Variants in WDPCP observed in about 807,000 individuals in gnomAD.
The protein encoded by WDPCP is WD repeat-containing and planar cell polarity effector protein fritz homolog.
WDPCP carries 71 observed loss-of-function variants against 93.1 expected under a neutral mutation model. The ratio of observed to expected loss-of-function variants is 0.76; its 90% CI spans 0.63 to 0.93. WDPCP has a LOEUF of 0.93. Ranked by LOEUF, WDPCP falls within the 40% of genes least tolerant of loss-of-function variation. The pLI is 0.00. For missense variants in WDPCP, 844 were observed against 887.4 expected, an observed-to-expected ratio of 0.95 and a Z score of 0.62; for synonymous variants, 315 against 315.0, an observed-to-expected ratio of 1.00 and a Z score of 0.00.
chr2:63,655,142 G>A (rs1710151907), intron 2 of WDPCP, among the ~76,000 whole-genome samples: 1 of 152,118 alleles, frequency 6.6e-6, no homozygotes, highest in South Asian at 2.1e-4. Context: ...ATTGCAAAGG[G>A]GCCAGGAAAT....
intron 2 of WDPCP, among the ~76,000 whole-genome samples, chr2:63,784,110 A>G (rs1315173844): frequency 1.3e-5 from 2 of 152,130 alleles, no homozygotes; most frequent in Non-Finnish European, 2.9e-5. Flanking sequence ...TCATCATTGT[A>G]TATCTAGCAT....
chr2:63,737,281 C>A (rs926087571), intron 2 of WDPCP, among the ~76,000 whole-genome samples: 9 of 152,182 alleles, frequency 5.9e-5, no homozygotes, highest in African/African-American at 2.2e-4. Flanking sequence ...TATTGATAGT[C>A]CTGGAGCCAA....
intron 6 of WDPCP, among the ~76,000 whole-genome samples, chr2:63,444,278 C>T (rs1697698562): frequency 6.6e-6 from 1 of 151,726 alleles, no homozygotes; most frequent in African/African-American, 2.4e-5. Context: ...ATCCCTGACA[C>T]CAGATTTTGG....
intron 1 of WDPCP, among the ~76,000 whole-genome samples, chr2:63,814,634 A>G (rs1035652089): frequency 6.6e-6 from 1 of 152,210 alleles, no homozygotes; most frequent in Non-Finnish European, 1.5e-5. Context: ...TATCTTAGAA[A>G]TCCTGGCTAA....
intron 8 of WDPCP, among the ~76,000 whole-genome samples, chr2:63,435,631 G>A (rs975298142): frequency 6.6e-6 from 1 of 152,098 alleles, no homozygotes; most frequent in East Asian, 1.9e-4. Flanking sequence ...TGAAATGTTA[G>A]GAAATTTCAT....
chr2:63,730,200 A>G (rs1421066474), intron 2 of WDPCP, among the ~76,000 whole-genome samples: 2 of 151,976 alleles, frequency 1.3e-5, no homozygotes, highest in African/African-American at 2.4e-5. Flanking sequence ...TACTATTGTT[A>G]TTCTCATTTT....
At chr2:63,466,753 A>C (rs979487705) in intron 6 of WDPCP, among the ~76,000 whole-genome samples, 2 of 152,234 alleles carry the variant, frequency 1.3e-5, no homozygotes, top group Non-Finnish European at 2.9e-5. Context: ...ATTTGAACTC[A>C]TTTAGCTTGA....
At chr2:63,816,876 C>T (rs571788537) in intron 1 of WDPCP, among the ~76,000 whole-genome samples, 32 of 152,264 alleles carry the variant, frequency 2.1e-4, no homozygotes, top group African/African-American at 6.7e-4. Flanking sequence ...TACACTCAGA[C>T]GTGCACTGTG....
At chr2:63,807,993 T>C (rs193200028) in intron 2 of WDPCP, among the ~76,000 whole-genome samples, 13 of 152,322 alleles carry the variant, frequency 8.5e-5, no homozygotes, top group African/African-American at 2.6e-4. Flanking sequence ...ATTCATATGA[T>C]AGATATTCAA....
chr2:63,799,535 A>G (rs1017394657), intron 2 of WDPCP, among the ~76,000 whole-genome samples: 1 of 152,172 alleles, frequency 6.6e-6, no homozygotes, highest in African/African-American at 2.4e-5. Flanking sequence ...GTTTGTACCA[A>G]CATCAGAGTC....
At chr2:63,329,287 T>G (rs1320660983) in intron 12 of WDPCP, among the ~76,000 whole-genome samples, 1 of 152,184 alleles carries the variant, frequency 6.6e-6, no homozygotes, top group Admixed American at 6.5e-5. Flanking sequence ...TAAGTCATAT[T>G]TGTCTGCTGT....
chr2:63,577,478 C>T (rs1458773799), intron 1 of WDPCP, among the ~76,000 whole-genome samples: 1 of 152,032 alleles, frequency 6.6e-6, no homozygotes, highest in Non-Finnish European at 1.5e-5. Flanking sequence ...TTTTCCCTTC[C>T]TTTATCCCAT....
At chr2:63,434,782 C>T (rs906486709) in intron 8 of WDPCP, among the ~76,000 whole-genome samples, 1 of 152,098 alleles carries the variant, frequency 6.6e-6, no homozygotes, top group African/African-American at 2.4e-5. Flanking sequence ...CAGAGAAATG[C>T]TTCTGGAGCC....
intron 12 of WDPCP, among the ~76,000 whole-genome samples, chr2:63,369,982 C>T (rs1448619030): frequency 2.6e-5 from 4 of 152,032 alleles, no homozygotes; most frequent in East Asian, 3.9e-4. Context: ...ATGCTTTGGG[C>T]GACACCCCTC....
intron 12 of WDPCP, among the ~76,000 whole-genome samples, chr2:63,320,037 G>C (rs1272823390): frequency 6.6e-6 from 1 of 152,010 alleles, no homozygotes; most frequent in Non-Finnish European, 1.5e-5. Context: ...AAAAAAACTT[G>C]AGCAAATGAG....
intron 10 of WDPCP, among the ~76,000 whole-genome samples, chr2:63,395,537 C>T (rs1314014539): frequency 6.6e-6 from 1 of 152,118 alleles, no homozygotes; most frequent in Non-Finnish European, 1.5e-5. Context: ...CTAGCTCCAT[C>T]CATGTTGCTG....
At chr2:63,449,429 T>G (rs910109956) in intron 6 of WDPCP, among the ~76,000 whole-genome samples, 1 of 152,110 alleles carries the variant, frequency 6.6e-6, no homozygotes, top group Admixed American at 6.5e-5. Context: ...GCACCTTGAA[T>G]AGAAAATCTA....
intron 12 of WDPCP, among the ~76,000 whole-genome samples, chr2:63,356,559 A>G (rs1690033219): frequency 6.6e-6 from 1 of 152,248 alleles, no homozygotes. Context: ...AAAAACTGAA[A>G]GCATACCAAA....
chr2:63,683,780 C>T (rs931698735), intron 2 of WDPCP, among the ~76,000 whole-genome samples: 15 of 150,872 alleles, frequency 9.9e-5, no homozygotes, highest in Non-Finnish European at 2.1e-4. Context: ...ACCCAGGAGG[C>T]GGAGGTTGCA....
Sources: gnomAD v4.1 joint callset for allele counts (sites outside exome capture counted in the v4.1 genomes callset) on GRCh38, gnomAD v4.1.1 for gene constraint, MANE v1.5 for transcripts, NCBI Gene and HGNC (gene_info 2026-07-23, HGNC 2026-07-21) for gene names.